The following CPED1 variants were observed in gnomAD, a reference collection of about 807,000 sequenced individuals.
CPED1 encodes cadherin like and PC-esterase domain containing 1, also known as cadherin-like and PC-esterase domain-containing protein 1.
In CPED1, 114 loss-of-function variants were observed where a neutral mutation model predicts 128.2. The observed-to-expected ratio is 0.89, with a 90% confidence interval of 0.76 to 1.04. CPED1 has a LOEUF of 1.04. Ranked by LOEUF, CPED1 falls within the 50% of genes least tolerant of loss-of-function variation. The pLI is 0.00. For missense variants in CPED1, 1,211 were observed against 1,207.1 expected, an observed-to-expected ratio of 1.00 and a Z score of -0.05; for synonymous variants, 462 against 426.7, an observed-to-expected ratio of 1.08 and a Z score of -1.02.
intron 16 of CPED1, among the ~76,000 whole-genome samples, chr7:121,147,407 AT>A (rs1219356843): frequency 6.6e-6 from 1 of 152,112 alleles, no homozygotes; most frequent in African/African-American, 2.4e-5. Flanking sequence ...TTTCATTTTG[AT>A]TTACCCATAA....
rs576164614 is a variant in CPED1, at chr7:121,054,640, C to T, written c.540+7647C>T. Among the ~76,000 whole-genome samples the T allele has an allele frequency of 2.7e-5, 4 of 150,546 alleles. No individual in the cohort carries two copies. In the East Asian group the frequency reaches 7.8e-4, roughly 30 times the overall value. On this transcript the variant is annotated intron_variant, in intron 4 of 22. Coordinates refer to ENST00000310396, the MANE Select transcript of CPED1 (RefSeq NM_024913.5). ...TATGTATTATTTGAGTCCCCAACCT[C>T]CACCCCCACTGCAAATCAGGGTTGA...
intron 16 of CPED1, among the ~76,000 whole-genome samples, chr7:121,166,136 CAA>C (rs59448852): frequency 6.6e-6 from 1 of 150,660 alleles, no homozygotes; most frequent in East Asian, 1.9e-4. Flanking sequence ...CAAAAAAAAA[CAA>C]AAAAAAAACA....
At chr7:121,030,527 G>GC (rs1792702845) in intron 3 of CPED1, among the ~76,000 whole-genome samples, 1 of 152,174 alleles carries the variant, frequency 6.6e-6, no homozygotes, top group Non-Finnish European at 1.5e-5. Flanking sequence ...TGCTGTAGAT[G>GC]CCCCCTACCC....
At chr7:121,048,316 C>T (rs974347876) in intron 4 of CPED1, among the ~76,000 whole-genome samples, 2 of 152,184 alleles carry the variant, frequency 1.3e-5, no homozygotes, top group Non-Finnish European at 2.9e-5. Flanking sequence ...TAAATTCTCT[C>T]CTGCTCTTGT....
At chr7:121,294,684 G>A (rs967628523) in intron 22 of CPED1, among the ~76,000 whole-genome samples, 1 of 151,836 alleles carries the variant, frequency 6.6e-6, no homozygotes, top group African/African-American at 2.4e-5. Context: ...TATCATAAGT[G>A]TGCTCTTACA....
chr7:121,205,570 T>C (rs1366264610), intron 16 of CPED1, among the ~76,000 whole-genome samples: 2 of 151,996 alleles, frequency 1.3e-5, no homozygotes, highest in Non-Finnish European at 2.9e-5. Context: ...TTAAGACAGA[T>C]AATTTGTTCT....
intron 4 of CPED1, among the ~76,000 whole-genome samples, chr7:121,060,900 A>G (rs978501180): frequency 3.9e-5 from 6 of 152,216 alleles, no homozygotes; most frequent in Non-Finnish European, 8.8e-5. Context: ...ACTCACTGCG[A>G]AGATCTGCAG....
intron 3 of CPED1, among the ~76,000 whole-genome samples, chr7:121,024,233 A>T (rs1456282619): frequency 6.6e-6 from 1 of 152,166 alleles, no homozygotes; most frequent in Non-Finnish European, 1.5e-5. Flanking sequence ...TGTTTAGACT[A>T]CAGGGACTTC....
chr7:121,145,796 T>TC (rs1228740528), intron 16 of CPED1, among the ~76,000 whole-genome samples: 1 of 151,962 alleles, frequency 6.6e-6, no homozygotes, highest in Non-Finnish European at 1.5e-5. Context: ...TTTTTTTTTT[T>TC]CCTTTCTGTC....
chr7:121,237,962 T>C (rs919860707), intron 17 of CPED1, among the ~76,000 whole-genome samples: 8 of 152,222 alleles, frequency 5.3e-5, no homozygotes, highest in Non-Finnish European at 7.3e-5. Context: ...ATGAGATATA[T>C]ATTATTCCAT....
At chr7:121,244,169 C>G in intron 17 of CPED1, 33 bp from the exon 18 acceptor site, 1 of 1,614,008 alleles carries the variant, frequency 6.2e-7, no homozygotes, top group Non-Finnish European at 8.5e-7. Context: ...CCAGCAGAAA[C>G]AGAACCAAAG....
At chr7:121,178,410 G>C (rs572139268) in intron 16 of CPED1, among the ~76,000 whole-genome samples, 62 of 152,174 alleles carry the variant, frequency 4.1e-4, no homozygotes, top group African/African-American at 1.4e-3. Context: ...TGTTCTTGTT[G>C]TTGTTATGGT....
At chr7:121,263,399 T>TCATTTTGTGCTTA (rs1039315719) in intron 18 of CPED1, among the ~76,000 whole-genome samples, 2 of 152,106 alleles carry the variant, frequency 1.3e-5, no homozygotes, top group Non-Finnish European at 1.5e-5. Flanking sequence ...TGGCATGCAT[T>TCATTTTGTGCTTA]CATTTTGTGC....
chr7:121,230,182 G>T (rs1014869852), intron 16 of CPED1, among the ~76,000 whole-genome samples: 10 of 151,966 alleles, frequency 6.6e-5, no homozygotes, highest in African/African-American at 2.2e-4. Flanking sequence ...TGAAGACACA[G>T]ATCAAAATAG....
intron 5 of CPED1, among the ~76,000 whole-genome samples, chr7:121,090,270 C>G (rs1231108382): frequency 6.6e-6 from 1 of 152,148 alleles, no homozygotes; most frequent in Admixed American, 6.5e-5. Context: ...TGTCATTGAT[C>G]TGGCCACTTT....
chr7:121,166,173 A>G (rs1321800059), intron 16 of CPED1, among the ~76,000 whole-genome samples: 2 of 152,198 alleles, frequency 1.3e-5, no homozygotes, highest in Non-Finnish European at 2.9e-5. Flanking sequence ...CACATTTTGT[A>G]TGTTATTCAA....
At chr7:121,070,494 A>G (rs1330301931) in intron 5 of CPED1, among the ~76,000 whole-genome samples, 1 of 152,108 alleles carries the variant, frequency 6.6e-6, no homozygotes, top group Non-Finnish European at 1.5e-5. Context: ...AATATGACTG[A>G]CTTCAGCTAG....
At chr7:121,220,876 T>C (rs997325268) in intron 16 of CPED1, among the ~76,000 whole-genome samples, 9 of 152,088 alleles carry the variant, frequency 5.9e-5, no homozygotes, top group Non-Finnish European at 8.8e-5. Context: ...TTATTTTACT[T>C]AAATAAGATC....
intron 22 of CPED1, among the ~76,000 whole-genome samples, chr7:121,279,508 T>A (rs1424588054): frequency 6.6e-6 from 1 of 151,334 alleles, no homozygotes; most frequent in Non-Finnish European, 1.5e-5. Context: ...CTGAATTCAT[T>A]TGAATTCATT....
Sources: gnomAD v4.1 joint callset for allele counts (sites outside exome capture counted in the v4.1 genomes callset) on GRCh38, gnomAD v4.1.1 for gene constraint, MANE v1.5 for transcripts, NCBI Gene and HGNC (gene_info 2026-07-23, HGNC 2026-07-21) for gene names.